TMEM117: variants seen among roughly 807,000 people sequenced by gnomAD.
TMEM117 encodes the protein transmembrane protein 117.
Under a neutral mutation model 52.4 loss-of-function variants are expected in TMEM117, and 27 were observed. The observed-to-expected ratio is 0.51, with a 90% confidence interval of 0.38 to 0.71. The LOEUF (loss-of-function observed/expected upper bound fraction) is 0.71, where lower values mean the gene tolerates loss of function less well. TMEM117 is among the 30% of genes least tolerant of loss of function. The probability of loss-of-function intolerance (pLI) is 0.00; values close to 1 mark genes in which losing one functional copy is unlikely to be tolerated. For synonymous variants in TMEM117, 215 were observed against 206.3 expected (o/e 1.04, Z -0.36); for missense variants, 556 against 630.5 (o/e 0.88, Z 1.26).
chr12:43,805,722 G>T, the TMEM117 span: 4 of 1,100,432 alleles, frequency 3.6e-6, no homozygotes, highest in South Asian at 4.9e-5. Context: ...GAAAATGCGG[G>T]AGAGTTTTGG....
At chr12:43,853,332 G>A (rs1675767) in intron 2 of TMEM117, among the ~76,000 whole-genome samples, 103,322 of 152,082 alleles carry the variant, frequency 0.68, 40,250 homozygotes, top group East Asian at 0.87. Flanking sequence ...CTGGAGTGCA[G>A]TGGTGCAATC....
At chr12:43,894,336 C>G (rs1362897899) in intron 2 of TMEM117, among the ~76,000 whole-genome samples, 1 of 152,108 alleles carries the variant, frequency 6.6e-6, no homozygotes, top group Admixed American at 6.5e-5. Flanking sequence ...AGAATGGTGG[C>G]TGGTTCATTT....
chr12:43,852,012 T>C (rs944702497), intron 2 of TMEM117, among the ~76,000 whole-genome samples: 1 of 152,180 alleles, frequency 6.6e-6, no homozygotes, highest in Non-Finnish European at 1.5e-5. Flanking sequence ...GTATAACATT[T>C]AACCAGCTGG....
At chr12:44,309,959 G>A (rs148473941) in intron 6 of TMEM117, among the ~76,000 whole-genome samples, 55 of 152,252 alleles carry the variant, frequency 3.6e-4, no homozygotes, top group African/African-American at 1.1e-3. Flanking sequence ...CTAAAGTCAG[G>A]GCTGCATAGT....
chr12:44,095,637 G>T (rs1947745652), intron 3 of TMEM117, among the ~76,000 whole-genome samples: 1 of 151,854 alleles, frequency 6.6e-6, no homozygotes, highest in Admixed American at 6.6e-5. Flanking sequence ...AGGAGAGAGA[G>T]AAGAAAAAGC....
intron 3 of TMEM117, among the ~76,000 whole-genome samples, chr12:43,995,248 C>T (rs542574526): frequency 6.7e-6 from 1 of 149,238 alleles, no homozygotes; most frequent in Admixed American, 6.7e-5. Context: ...TCCAGCAAGG[C>T]TCTGTCTTAA....
At chr12:44,317,171 C>T (rs1470589783) in intron 6 of TMEM117, among the ~76,000 whole-genome samples, 2 of 150,722 alleles carry the variant, frequency 1.3e-5, no homozygotes, top group Non-Finnish European at 3.0e-5. Context: ...TCAGATTTTT[C>T]ATGGTATGAG....
chr12:43,965,466 G>A (rs1945469063), intron 3 of TMEM117, among the ~76,000 whole-genome samples: 1 of 152,118 alleles, frequency 6.6e-6, no homozygotes, highest in Admixed American at 6.6e-5. Flanking sequence ...CCTGTCCGTG[G>A]ATTACTCTGT....
chr12:44,201,654 A>G (rs1949497035), intron 4 of TMEM117, among the ~76,000 whole-genome samples: 1 of 152,164 alleles, frequency 6.6e-6, no homozygotes. Context: ...AGCATCAACA[A>G]TGTTAAGGCA....
At chr12:44,234,994 C>A (rs924643426) in intron 5 of TMEM117, among the ~76,000 whole-genome samples, 1 of 151,318 alleles carries the variant, frequency 6.6e-6, no homozygotes, top group African/African-American at 2.4e-5. Context: ...ATATTTTTAC[C>A]ATTTTTATGT....
At chr12:43,805,361 G>A in the TMEM117 span, among the ~76,000 whole-genome samples, 1 of 152,166 alleles carries the variant, frequency 6.6e-6, no homozygotes, top group African/African-American at 2.4e-5. Flanking sequence ...AGGGGGATGT[G>A]TGCGGTGGTG....
At chr12:44,143,699 T>A (rs954951440) in intron 4 of TMEM117, 75 bp downstream of exon 4, 2 of 1,025,458 alleles carry the variant, frequency 2.0e-6, no homozygotes, top group Non-Finnish European at 2.9e-6. Context: ...AGACACTGCT[T>A]TTGATGATGT....
intron 3 of TMEM117, among the ~76,000 whole-genome samples, chr12:44,005,590 G>A (rs1946181455): frequency 6.6e-6 from 1 of 152,202 alleles, no homozygotes; most frequent in Non-Finnish European, 1.5e-5. Context: ...TCAAGGCTAA[G>A]AGGTCACAGC....
At chr12:44,374,808 C>T (rs1307148324) in intron 6 of TMEM117, among the ~76,000 whole-genome samples, 1 of 151,934 alleles carries the variant, frequency 6.6e-6, no homozygotes, top group Non-Finnish European at 1.5e-5. Context: ...AAAAAGAAGC[C>T]GGTTCTGAAT....
rs553370968 is a variant in TMEM117, at chr12:44,066,075, G to T, written c.411-77450G>T. ...AAAGGAAAGTGGCATACAGAAGATA[G>T]AAATGAGGTACAGAAACAGTGCCTT... On this transcript the variant is annotated intron_variant, in intron 3 of 7. Coordinates refer to ENST00000266534, the MANE Select transcript of TMEM117 (RefSeq NM_032256.3). 1.5e-3 allele frequency among the ~76,000 whole-genome samples: 221 copies of T among 152,270 alleles called. 3 individuals are homozygous for T. Among genetic ancestry groups the T allele is most frequent in the African/African-American group, 5.0e-3 (206 of 41,568 alleles).
intron 1 of TMEM117, among the ~76,000 whole-genome samples, chr12:43,841,730 G>C (rs1390001627): frequency 2.0e-5 from 3 of 152,196 alleles, no homozygotes; most frequent in Non-Finnish European, 4.4e-5. Flanking sequence ...TCAGGCCCTG[G>C]AGTCAGCCTC....
chr12:44,372,535 T>G (rs563901020), intron 6 of TMEM117, among the ~76,000 whole-genome samples: 18 of 150,794 alleles, frequency 1.2e-4, no homozygotes, highest in African/African-American at 3.6e-4. Flanking sequence ...TTGAAGAAAA[T>G]GTTAAAGTTG....
chr12:44,238,178 A>G (rs1345024211), intron 5 of TMEM117, among the ~76,000 whole-genome samples: 1 of 152,212 alleles, frequency 6.6e-6, no homozygotes, highest in Non-Finnish European at 1.5e-5. Context: ...ACAAAACAAC[A>G]AAACATTTAT....
At chr12:43,953,331 G>A (rs779990642) in intron 3 of TMEM117, among the ~76,000 whole-genome samples, 12 of 152,082 alleles carry the variant, frequency 7.9e-5, no homozygotes, top group Non-Finnish European at 1.5e-4. Context: ...TAGGCTAAAT[G>A]CCCCATTAAA....
Sources: allele counts gnomAD v4.1 joint callset (sites outside exome capture counted in the v4.1 genomes callset), GRCh38; gene constraint gnomAD v4.1.1; transcripts MANE v1.5; gene names NCBI Gene and HGNC (gene_info 2026-07-23, HGNC 2026-07-21).